BCO1: variants seen among roughly 807,000 people sequenced by gnomAD.
BCO1 encodes the protein beta,beta-carotene 15,15'-dioxygenase.
Under a neutral mutation model 56.3 loss-of-function variants are expected in BCO1, and 54 were observed. The ratio of observed to expected loss-of-function variants is 0.96; its 90% CI spans 0.77 to 1.20. The LOEUF is 1.20. BCO1 is among the 50% of genes most tolerant of loss of function. The pLI, the probability that BCO1 is intolerant of heterozygous loss-of-function variation, is 0.00. For missense variants in BCO1, 801 were observed against 690.9 expected, an observed-to-expected ratio of 1.16 and a Z score of -1.79; for synonymous variants, 318 against 266.1, an observed-to-expected ratio of 1.20 and a Z score of -1.90.
Position 81,244,688 on chromosome 16 carries a change from T to C in BCO1, c.65-787T>C, listed in dbSNP as rs1325598186. ...GGGCTGTTCTGTTTCACAAAGAACC[T>C]TTTTCTACGTCTGTAGCGTTGCCCC... On this transcript the variant is annotated intron_variant, in intron 1 of 10. Transcript: ENST00000258168. 3.3e-5 allele frequency among the ~76,000 whole-genome samples: 5 copies of C among 151,768 alleles called. No individual in the cohort carries two copies. The East Asian group carries it at 9.6e-4, about 29-fold the overall frequency.
At chr16:81,250,691 G>A (rs540979880) in intron 2 of BCO1, among the ~76,000 whole-genome samples, 24 of 146,156 alleles carry the variant, frequency 1.6e-4, no homozygotes, top group South Asian at 1.3e-3. Flanking sequence ...AGCGATTCTC[G>A]TGCCTCGGCC....
At chr16:81,258,656 A>C (rs982012287) in intron 2 of BCO1, among the ~76,000 whole-genome samples, 2 of 152,246 alleles carry the variant, frequency 1.3e-5, no homozygotes, top group African/African-American at 4.8e-5. Flanking sequence ...ACCCTGGGCA[A>C]GGTGAAAGAA....
At chr16:81,267,055 A>T (rs1258919667) in intron 5 of BCO1, among the ~76,000 whole-genome samples, 3 of 152,184 alleles carry the variant, frequency 2.0e-5, no homozygotes, top group Non-Finnish European at 1.5e-5. Context: ...GAGGAATAAG[A>T]AAACTGAACA....
chr16:81,290,966 T>C lies in BCO1; in HGVS notation c.*389T>C, dbSNP rs1248355419. Reference sequence around the variant, plus strand: ...TTATCATTGTGCCTTCCTCTGTCTCTTTCTCTTTCCTTTGCTCCCTCCCAT... The same window carrying C: ...TTATCATTGTGCCTTCCTCTGTCTCCTTCTCTTTCCTTTGCTCCCTCCCAT... On this transcript the variant is annotated 3_prime_UTR_variant, in exon 11 of 11. Coordinates refer to ENST00000258168, the MANE Select transcript of BCO1 (RefSeq NM_017429.3). 2 of 184,522 alleles carry C rather than the reference T, an allele frequency of 1.1e-5. No homozygotes were observed. Among genetic ancestry groups the C allele is most frequent in the Admixed American group, 1.1e-4 (2 of 18,530 alleles). 11.4% of individuals were successfully genotyped at this position (184,522 alleles called of 1,614,324 possible).
chr16:81,262,748 A>C, intron 4 of BCO1: 1 of 251,544 alleles, frequency 4.0e-6, no homozygotes, highest in Non-Finnish European at 7.8e-6. Context: ...AATCGCTTGA[A>C]CTCAGGAGGG....
At position 81,245,494 on chromosome 16, in the gene BCO1, G is replaced by T. The variant is rs762534394; in HGVS notation, c.84G>T (p.Leu28=). Residue 28 remains leucine (L), a synonymous_variant, in exon 2 of 11, where the codon CTG becomes CTT. Transcript: ENST00000258168. ...AKVTGKIPAW[L]QGTLLRNGPG... ...TCTCAGGCAAGATTCCAGCATGGCT[G>T]CAGGGAACCCTGCTCCGCAATGGGC... The T allele has an allele frequency of 1.2e-6, 2 of 1,614,220 alleles. No individual in the cohort carries two copies. The highest frequency in any genetic ancestry group is 1.1e-5 in the South Asian group (1 of 91,084).
At chr16:81,255,845 A>T (rs1906100336) in intron 2 of BCO1, among the ~76,000 whole-genome samples, 1 of 150,272 alleles carries the variant, frequency 6.7e-6, no homozygotes, top group South Asian at 2.1e-4. Context: ...TTTATCTTTG[A>T]CATTGAGTCT....
chr16:81,259,841 CT>C (rs769061206), intron 3 of BCO1, 36 bp downstream of exon 3: 2 of 1,613,008 alleles, frequency 1.2e-6, no homozygotes, highest in African/African-American at 2.7e-5. Flanking sequence ...AAATTTCATG[CT>C]TTTTGCTATC....
chr16:81,240,285 A>G (rs1905052929), intron 1 of BCO1, among the ~76,000 whole-genome samples: 1 of 152,184 alleles, frequency 6.6e-6, no homozygotes, highest in East Asian at 1.9e-4. Flanking sequence ...ACTTTTTAAA[A>G]CATAGGTAGA....
At chr16:81,272,776 A>G (rs1907314874) in intron 7 of BCO1, among the ~76,000 whole-genome samples, 1 of 152,218 alleles carries the variant, frequency 6.6e-6, no homozygotes, top group South Asian at 2.1e-4. Context: ...TGTGCCAGGT[A>G]CTTTGCTAAG....
chr16:81,283,798 C>T (rs963274138), intron 8 of BCO1, among the ~76,000 whole-genome samples: 2 of 151,952 alleles, frequency 1.3e-5, no homozygotes, highest in African/African-American at 2.4e-5. Context: ...CAGCAGTTGG[C>T]GGCAACCACC....
chr16:81,278,681 A>G (rs1014756687), intron 7 of BCO1, among the ~76,000 whole-genome samples: 12 of 152,054 alleles, frequency 7.9e-5, no homozygotes, highest in African/African-American at 2.9e-4. Flanking sequence ...TTCTTCTGAG[A>G]CCTCAGGGTT....
intron 10 of BCO1, among the ~76,000 whole-genome samples, chr16:81,288,731 G>T (rs759769339): frequency 5.3e-5 from 8 of 152,216 alleles, no homozygotes; most frequent in Non-Finnish European, 8.8e-5. Flanking sequence ...CCTGCCCACA[G>T]CCCTGAGGAG....
At chr16:81,261,490 C>T (rs1295143510) in intron 3 of BCO1, among the ~76,000 whole-genome samples, 1 of 152,176 alleles carries the variant, frequency 6.6e-6, no homozygotes, top group Non-Finnish European at 1.5e-5. Flanking sequence ...CTTTGGGAGC[C>T]GTTACGGGTT....
At chr16:81,241,854 G>T (rs78896530) in intron 1 of BCO1, among the ~76,000 whole-genome samples, 2 of 152,156 alleles carry the variant, frequency 1.3e-5, no homozygotes, top group Admixed American at 1.3e-4. Context: ...CACATGCAAA[G>T]GTTTTGGCTT....
At chr16:81,250,297 C>G (rs1196530539) in intron 2 of BCO1, among the ~76,000 whole-genome samples, 2 of 152,156 alleles carry the variant, frequency 1.3e-5, no homozygotes, top group Non-Finnish European at 2.9e-5. Flanking sequence ...GCCCTGTTTC[C>G]CCTTCCCACC....
At position 81,258,501 on chromosome 16, in the gene BCO1, G is replaced by A. The variant is rs77541344; in HGVS notation, c.194-1175G>A. On this transcript the variant is annotated intron_variant, in intron 2 of 10. Transcript: ENST00000258168. ...GATCAACTGGGCTTCTGGAGGCAGCGCTCCCAGGACTGAACGGGGCCCTGG... is the reference window on the plus strand; with the variant it reads ...GATCAACTGGGCTTCTGGAGGCAGCACTCCCAGGACTGAACGGGGCCCTGG... Among the ~76,000 whole-genome samples, 1,347 of 152,276 alleles carry A rather than the reference G, an allele frequency of 8.8e-3. 20 individuals carry two copies. Among genetic ancestry groups the A allele is most frequent in the African/African-American group, 0.031 (1,290 of 41,554 alleles).
chr16:81,250,800 C>T lies in BCO1; in HGVS notation c.193+5197C>T, dbSNP rs180797294. On this transcript the variant is annotated intron_variant, in intron 2 of 10. Transcript: ENST00000258168. ...CTCGCCATGTTGGCCAGGTTGGTCT[C>T]GACCTCCTGACCTCAGGTGATCCAC... Among the ~76,000 whole-genome samples the T allele has an allele frequency of 7.0e-4, 106 of 152,146 alleles. 2 individuals carry two copies. The East Asian group carries it at 0.019, about 28-fold the overall frequency.
rs1285433671 is a variant in BCO1 at position 81,267,839 on chromosome 16, T to C, written c.620-69T>C. ...AGCAATCAAGTCAGTTTGTAGGTGA[T>C]GGTGGTGTGGTCTTGGGGGGGCAGC... On this transcript the variant is annotated intron_variant, in intron 5 of 10. Transcript: ENST00000258168. The C allele has an allele frequency of 5.3e-6, 7 of 1,311,030 alleles. No individual in the cohort carries two copies. The Admixed American group carries it at 6.9e-5, about 13-fold the overall frequency. 81.2% of individuals were successfully genotyped at this position (1,311,030 alleles called of 1,614,324 possible).
Sources: allele counts gnomAD v4.1 joint callset (sites outside exome capture counted in the v4.1 genomes callset), GRCh38; gene constraint gnomAD v4.1.1; transcripts MANE v1.5; gene names NCBI Gene and HGNC (gene_info 2026-07-23, HGNC 2026-07-21).